The following SYNM variants were observed in gnomAD, a reference collection of about 807,000 sequenced individuals.
SYNM encodes the protein synemin.
Under a neutral mutation model 104.0 loss-of-function variants are expected in SYNM, and 95 were observed. That is an observed-to-expected ratio of 0.91 (90% CI 0.77 to 1.08). The LOEUF is 1.08. Among genes scored for constraint, SYNM ranks in the 50% least tolerant of loss-of-function variants. The pLI is 0.00. For synonymous variants in SYNM, 918 were observed against 869.0 expected, an observed-to-expected ratio of 1.06 and a Z score of -0.99; for missense variants, 2,150 against 2,052.2, an observed-to-expected ratio of 1.05 and a Z score of -0.92.
chr15:99,117,397 G>A (rs1555484064), intron 2 of SYNM, among the ~76,000 whole-genome samples: 1 of 152,162 alleles, frequency 6.6e-6, no homozygotes, highest in Non-Finnish European at 1.5e-5. Flanking sequence ...CTTTGGGTTG[G>A]GGTCCCAGCC....
intron 3 of SYNM, among the ~76,000 whole-genome samples, chr15:99,128,327 C>A (rs909607081): frequency 6.6e-6 from 1 of 152,224 alleles, no homozygotes; most frequent in Admixed American, 6.5e-5. Flanking sequence ...CTGTAATCTT[C>A]CATGTTTCTT....
Position 99,131,906 on chromosome 15 carries a change from A to G in SYNM, c.3546A>G (p.Pro1182=). Residue 1182 remains proline, a synonymous_variant, in exon 4 of 4, where the codon CCA becomes CCG. Transcript: ENST00000336292. The surrounding 1 kb of genome is among the most constrained non-coding windows in gnomAD (Gnocchi z 4.3). The part of the protein sequence containing the change: ...RHVTLGPGQS[P]LSREVIFLGP... ...TCACGCTGGGTCCCGGTCAAAGTCC[A>G]CTGTCCAGAGAAGTCATCTTCCTAG... 1 of 1,613,926 alleles carries G rather than the reference A, an allele frequency of 6.2e-7. No homozygotes were observed. The highest frequency in any genetic ancestry group is 8.5e-7 in the Non-Finnish European group (1 of 1,179,876).
intron 2 of SYNM, among the ~76,000 whole-genome samples, chr15:99,124,132 C>T (rs1395549767): frequency 6.6e-6 from 1 of 152,258 alleles, no homozygotes; most frequent in Non-Finnish European, 1.5e-5. Flanking sequence ...TTCTCACAGT[C>T]CCCGAGGCTT....
At chr15:99,126,112 G>A (rs1191922427) in intron 2 of SYNM, among the ~76,000 whole-genome samples, 1 of 152,168 alleles carries the variant, frequency 6.6e-6, no homozygotes, top group East Asian at 1.9e-4. Context: ...GGCTACTGAC[G>A]GGGGGCGCTT....
Position 99,135,159 on chromosome 15 carries a change from A to G in SYNM, c.*2101A>G, listed in dbSNP as rs1255772690. ...CCCACTTCTATTTACTTTGGGAAAT[A>G]TCTTGGATCTTAATTATCATCTGCA... is the stretch of plus-strand genomic sequence containing the variant. On this transcript the variant is annotated 3_prime_UTR_variant, in exon 4 of 4. Transcript: ENST00000336292. The G allele has an allele frequency of 6.6e-6, 1 of 152,634 alleles. No homozygotes were observed. Among genetic ancestry groups the G allele is most frequent in the Non-Finnish European group, 1.5e-5 (1 of 68,056 alleles). The allele number at this position is 152,634 out of a possible 1,614,324, so 9.5% of individuals were successfully genotyped here.
chr15:99,106,011 T>A lies in SYNM; in HGVS notation c.810+2T>A. On this transcript the variant is annotated splice_donor_variant, in intron 1 of 3. Coordinates refer to ENST00000336292, the MANE Select transcript of SYNM (RefSeq NM_145728.3). LOFTEE classifies it high-confidence loss of function. Reference sequence around the variant, plus strand: ...GGGATACAGGCCGAGGAGCGGCAGGTCCGTGCGCGGGGATGGCGCGCTGAC... The same window carrying A: ...GGGATACAGGCCGAGGAGCGGCAGGACCGTGCGCGGGGATGGCGCGCTGAC... The A allele has an allele frequency of 3.4e-6, 5 of 1,452,116 alleles. No homozygotes were observed. The highest frequency in any genetic ancestry group is 4.5e-6 in the Non-Finnish European group (5 of 1,107,674). 90.0% of individuals were successfully genotyped at this position (1,452,116 alleles called of 1,614,324 possible). A position where few individuals can be genotyped will look rare whatever the true frequency, so the allele number is the denominator to read the frequency against.
chr15:99,139,315 AC>A (rs2151824427), downstream of SYNM: 1 of 1,611,908 alleles, frequency 6.2e-7, no homozygotes, highest in Non-Finnish European at 8.5e-7. Context: ...ACGCCAACTC[AC>A]GTGGACAGCA....
intron 1 of SYNM, among the ~76,000 whole-genome samples, chr15:99,109,706 G>A (rs1355953397): frequency 6.6e-6 from 1 of 152,188 alleles, no homozygotes; most frequent in Non-Finnish European, 1.5e-5. Context: ...AGTGTGCCAA[G>A]CTCAGTTCTT....
intron 1 of SYNM, among the ~76,000 whole-genome samples, chr15:99,111,582 G>T (rs1339421677): frequency 1.3e-5 from 2 of 152,062 alleles, no homozygotes; most frequent in East Asian, 3.8e-4. Context: ...TTCCACCCTG[G>T]GACATAAGCC....
intron 3 of SYNM, among the ~76,000 whole-genome samples, chr15:99,128,028 CATTCATTA>C: frequency 6.7e-6 from 1 of 149,282 alleles, no homozygotes; most frequent in South Asian, 2.1e-4. Flanking sequence ...TTCATTCATT[CATTCATTA>C]TTTTTCAAGC....
intron 1 of SYNM, 84 bp from the exon 2 acceptor site, chr15:99,113,507 A>T: frequency 1.3e-6 from 2 of 1,563,064 alleles, no homozygotes; most frequent in South Asian, 1.2e-5. Context: ...CTGTTTTTCA[A>T]TTCGATCCTG....
intron 1 of SYNM, among the ~76,000 whole-genome samples, chr15:99,110,413 G>T (rs1428720146): frequency 6.6e-6 from 1 of 152,220 alleles, no homozygotes; most frequent in Non-Finnish European, 1.5e-5. Flanking sequence ...CGTGTGTTCA[G>T]TTTGAGATGC....
At chr15:99,126,538 T>G (rs563231141) in intron 2 of SYNM, among the ~76,000 whole-genome samples, 184 bp from the exon 3 acceptor site, 63 of 152,358 alleles carry the variant, frequency 4.1e-4, no homozygotes, top group Non-Finnish European at 7.9e-4. Context: ...GGCCCAGGTC[T>G]GCTGAGGCTG....
rs187807624 is a variant in SYNM, at chr15:99,131,386, T to C, written c.3026T>C (p.Val1009Ala). 2.0e-4 allele frequency: 322 copies of C among 1,612,864 alleles called. No homozygotes were observed. The highest frequency in any genetic ancestry group is 8.2e-4 in the Middle Eastern group (5 of 6,062). Residue 1009 changes from valine (V) to alanine (A), a missense_variant, in exon 4 of 4, where the codon GTG becomes GCG. By Grantham distance (64) the Val-to-Ala change is moderately conservative. Coordinates refer to ENST00000336292, the MANE Select transcript of SYNM (RefSeq NM_145728.3). This position sits in a 1 kb window ranked among gnomAD's most constrained non-coding sequence, Gnocchi z 4.3. The stretch of plus-strand genomic sequence containing the variant: ...GCTGAAGTCAACGTCTCACAAACTG[T>C]GGATGCCGATCGGTTAGACCTGGAG... ...LVAEVNVSQTVDADRLDLEEL... is the reference protein window; with the variant it reads ...LVAEVNVSQTADADRLDLEEL...
At chr15:99,126,697 TTA>T in intron 2 of SYNM, 23 bp from the exon 3 acceptor site, 6 of 1,557,512 alleles carry the variant, frequency 3.9e-6, no homozygotes, top group Non-Finnish European at 5.2e-6. Context: ...TCCTAATGAA[TTA>T]TGTTTGTAAA....
At chr15:99,140,218 T>A (rs2068067595), downstream of SYNM, 1 of 154,862 alleles carries the variant, frequency 6.5e-6, no homozygotes, top group East Asian at 1.9e-4. Context: ...GGTGGGCTAG[T>A]CAATAAATGG....
chr15:99,139,514 G>GAATT (rs2067973055), downstream of SYNM: 1 of 1,555,942 alleles, frequency 6.4e-7, no homozygotes, highest in East Asian at 2.4e-5. Flanking sequence ...TGCTGTGATG[G>GAATT]AATTAGCATG....
the SYNM span, among the ~76,000 whole-genome samples, chr15:99,141,641 GA>G: frequency 6.6e-6 from 1 of 152,190 alleles, no homozygotes; most frequent in Non-Finnish European, 1.5e-5. Context: ...ACTTACTACT[GA>G]AGCCTGTTTA....
Position 99,131,794 on chromosome 15 carries a change from C to T in SYNM, c.3434C>T (p.Pro1145Leu), listed in dbSNP as rs782803328. ...WRTERMSYEGPTAEVVEVSAG... is the reference protein window; with the variant it reads ...WRTERMSYEGLTAEVVEVSAG... ...ACTGAGCGAATGTCATATGAAGGACCCACTGCAGAAGTGGTGGAGGTAAGT... is the reference window on the plus strand; with the variant it reads ...ACTGAGCGAATGTCATATGAAGGACTCACTGCAGAAGTGGTGGAGGTAAGT... The change falls in exon 4 of 4, where the codon CCC becomes CTC. Residue 1145 changes from proline to leucine, a missense_variant. Coordinates refer to ENST00000336292, the MANE Select transcript of SYNM (RefSeq NM_145728.3). The surrounding 1 kb of genome is among the most constrained non-coding windows in gnomAD (Gnocchi z 4.3). 12 of 1,613,870 alleles carry T rather than the reference C, an allele frequency of 7.4e-6. No individual in the cohort carries two copies. The highest frequency in any genetic ancestry group is 6.7e-5 in the East Asian group (3 of 44,896).
Sources: allele counts gnomAD v4.1 joint callset (sites outside exome capture counted in the v4.1 genomes callset), GRCh38; gene constraint gnomAD v4.1.1; non-coding constraint Gnocchi (gnomAD v3.1); transcripts MANE v1.5; gene names NCBI Gene and HGNC (gene_info 2026-07-23, HGNC 2026-07-21).